Variants in ADAM12 observed in about 807,000 individuals in gnomAD.
ADAM12 encodes the protein ADAM metallopeptidase domain 12.
A neutral mutation model predicts 106.4 loss-of-function variants in ADAM12; 70 were observed. That is an observed-to-expected ratio of 0.66 (90% CI 0.54 to 0.80). The LOEUF (loss-of-function observed/expected upper bound fraction) is 0.80, where lower values mean the gene tolerates loss of function less well. Ranked by LOEUF, ADAM12 falls within the 30% of genes least tolerant of loss-of-function variation. The pLI is 0.00. For synonymous variants in ADAM12, 420 were observed against 433.5 expected, an observed-to-expected ratio of 0.97 and a Z score of 0.39; for missense variants, 1,010 against 1,171.9, an observed-to-expected ratio of 0.86 and a Z score of 2.02.
intron 5 of ADAM12, among the ~76,000 whole-genome samples, chr10:126,126,349 G>A (rs373488209): frequency 7.2e-5 from 11 of 152,096 alleles, no homozygotes; most frequent in South Asian, 2.1e-4. Flanking sequence ...GGAATTCCTC[G>A]TGTGGTTTTG....
chr10:126,293,010 G>A (rs1446019435), intron 2 of ADAM12, among the ~76,000 whole-genome samples: 1 of 152,184 alleles, frequency 6.6e-6, no homozygotes, highest in Non-Finnish European at 1.5e-5. Flanking sequence ...AAGTTCCCAG[G>A]TGATGCTGAT....
intron 8 of ADAM12, among the ~76,000 whole-genome samples, chr10:126,104,078 A>G (rs1955718157): frequency 6.6e-6 from 1 of 152,250 alleles, no homozygotes; most frequent in African/African-American, 2.4e-5. Context: ...CTAATGAAGG[A>G]AACTGCATCC....
Position 126,098,404 on chromosome 10 carries a change from C to T in ADAM12, c.996+12G>A, listed in dbSNP as rs1590405605. 6.2e-7 allele frequency: 1 copy of T among 1,611,460 alleles called. No homozygotes were observed. Among genetic ancestry groups the T allele is most frequent in the Non-Finnish European group, 8.5e-7 (1 of 1,177,726 alleles). ...TATCAAGGGGAACCAGCTCCCAATG[C>T]CCTTGGCTTACCATGACAATTCCCC... On this transcript the variant is annotated intron_variant, in intron 10 of 22. Coordinates refer to ENST00000448723, the MANE Select transcript of ADAM12 (RefSeq NM_001288973.2).
At chr10:126,146,543 A>G (rs375174745) in intron 4 of ADAM12, among the ~76,000 whole-genome samples, 1 of 152,212 alleles carries the variant, frequency 6.6e-6, no homozygotes, top group African/African-American at 2.4e-5. Context: ...TCCTGTGCCC[A>G]GCTATCACCA....
At chr10:126,314,875 C>A (rs1745178512) in intron 2 of ADAM12, among the ~76,000 whole-genome samples, 1 of 152,138 alleles carries the variant, frequency 6.6e-6, no homozygotes, top group African/African-American at 2.4e-5. Context: ...GAGCCTCGTT[C>A]AAAACCCCTG....
At chr10:126,289,351 C>G (rs1960038711) in intron 2 of ADAM12, among the ~76,000 whole-genome samples, 1 of 152,226 alleles carries the variant, frequency 6.6e-6, no homozygotes, top group African/African-American at 2.4e-5. Context: ...AAGGCCGAGG[C>G]CGGGATGAGT....
chr10:126,124,704 G>A (rs1231541603), intron 5 of ADAM12, among the ~76,000 whole-genome samples: 2 of 151,812 alleles, frequency 1.3e-5, no homozygotes, highest in Non-Finnish European at 2.9e-5. Flanking sequence ...TCCAGCCTGG[G>A]CAACATTGTG....
chr10:126,195,400 C>T lies in ADAM12; in HGVS notation c.261-40095G>A, dbSNP rs553566355. 2.4e-4 allele frequency among the ~76,000 whole-genome samples: 37 copies of T among 152,178 alleles called. No individual in the cohort carries two copies. The East Asian group carries it at 6.8e-3, about 28-fold the overall frequency. On this transcript the variant is annotated intron_variant, in intron 3 of 22. Coordinates refer to ENST00000448723, the MANE Select transcript of ADAM12 (RefSeq NM_001288973.2). ...GATTGGCTTGGCCAACATGGTGAAA[C>T]CCCATCTCTACTAAAAATAGAAAAA...
At chr10:126,214,513 G>C (rs983443322) in intron 3 of ADAM12, among the ~76,000 whole-genome samples, 4 of 152,192 alleles carry the variant, frequency 2.6e-5, no homozygotes, top group African/African-American at 9.7e-5. Flanking sequence ...TGCATGGGCT[G>C]TCTCTGGAAA....
At chr10:126,159,596 G>A (rs990296444) in intron 3 of ADAM12, among the ~76,000 whole-genome samples, 1 of 152,146 alleles carries the variant, frequency 6.6e-6, no homozygotes, top group Admixed American at 6.5e-5. Context: ...TTCTGACCAG[G>A]CTTAACTGAA....
At chr10:126,382,152 GGGAACAGGGGGCACTGGGCACT>G (rs1020812071) in intron 1 of ADAM12, among the ~76,000 whole-genome samples, 6 of 149,164 alleles carry the variant, frequency 4.0e-5, no homozygotes, top group African/African-American at 7.3e-5. Flanking sequence ...GGAAAGGTTT[GGGAACAGGGGGCACTGGGCACT>G]GGAACAGGGG....
At chr10:126,021,244 A>C (rs1395536643) in intron 21 of ADAM12, among the ~76,000 whole-genome samples, 1 of 152,156 alleles carries the variant, frequency 6.6e-6, no homozygotes. Flanking sequence ...GAACACCCCT[A>C]ATAACCAAGT....
intron 1 of ADAM12, among the ~76,000 whole-genome samples, chr10:126,380,171 G>C (rs1186035938): frequency 1.3e-5 from 2 of 152,140 alleles, no homozygotes; most frequent in East Asian, 3.9e-4. Context: ...CTGGAGGCAA[G>C]GTATATTGGG....
At chr10:126,321,911 G>GC (rs1554866268) in intron 2 of ADAM12, among the ~76,000 whole-genome samples, 72 of 141,154 alleles carry the variant, frequency 5.1e-4, no homozygotes, top group Non-Finnish European at 1.0e-3. Flanking sequence ...GGGTCGGGGG[G>GC]GGGGCTTCAG....
At chr10:126,197,157 G>C (rs576893921) in intron 3 of ADAM12, among the ~76,000 whole-genome samples, 21 of 152,334 alleles carry the variant, frequency 1.4e-4, no homozygotes, top group Admixed American at 6.5e-4. Context: ...ACATGGCTAG[G>C]TGAGGAGCTA....
rs372719325 is a variant in ADAM12 at position 126,024,180 on chromosome 10, T to C, written c.2530-4355A>G. On this transcript the variant is annotated intron_variant, in intron 21 of 22. Coordinates refer to ENST00000448723, the MANE Select transcript of ADAM12 (RefSeq NM_001288973.2). ...ACGTAAAGTTTAAAACACGAAACAC[T>C]ATATTAATGGATACATATTTATACA... 1.6e-4 allele frequency among the ~76,000 whole-genome samples: 24 copies of C among 152,328 alleles called. No individual in the cohort carries two copies. The South Asian group carries it at 5.0e-3, about 32-fold the overall frequency.
chr10:126,113,783 T>C (rs1317910667), intron 6 of ADAM12, among the ~76,000 whole-genome samples: 1 of 132,568 alleles, frequency 7.5e-6, no homozygotes, highest in Non-Finnish European at 1.5e-5. Flanking sequence ...GAGATGATAT[T>C]GGATGATACT....
chr10:126,143,358 T>C (rs1036648684), intron 4 of ADAM12, among the ~76,000 whole-genome samples: 4 of 149,392 alleles, frequency 2.7e-5, no homozygotes, highest in African/African-American at 9.9e-5. Flanking sequence ...TGTGTGTATA[T>C]ATACATGTGT....
intron 11 of ADAM12, among the ~76,000 whole-genome samples, chr10:126,089,955 T>C (rs1282833963): frequency 6.6e-6 from 1 of 152,168 alleles, no homozygotes; most frequent in African/African-American, 2.4e-5. Context: ...ATTACTTTTA[T>C]TTTTTTATTT....
Sources: gnomAD v4.1 joint callset for allele counts (sites outside exome capture counted in the v4.1 genomes callset) on GRCh38, gnomAD v4.1.1 for gene constraint, MANE v1.5 for transcripts, NCBI Gene and HGNC (gene_info 2026-07-23, HGNC 2026-07-21) for gene names.